The following RAPGEF5 variants were observed in gnomAD, a reference collection of about 807,000 sequenced individuals.
The protein encoded by RAPGEF5 is Rap guanine nucleotide exchange factor 5, also known as M-Ras-regulated GEF.
A neutral mutation model predicts 125.2 loss-of-function variants in RAPGEF5; 65 were observed. The observed-to-expected ratio is 0.52, with a 90% CI of 0.43 to 0.64. The LOEUF is 0.64. Ranked by LOEUF, RAPGEF5 falls within the 30% of genes least tolerant of loss-of-function variation. The probability of loss-of-function intolerance (pLI) is 0.00; values close to 1 mark genes in which losing one functional copy is unlikely to be tolerated. For missense variants in RAPGEF5, 958 were observed against 1,048.1 expected, an observed-to-expected ratio of 0.91 and a Z score of 1.19; for synonymous variants, 391 against 385.9, an observed-to-expected ratio of 1.01 and a Z score of -0.16.
chr7:22,189,481 C>T (rs1053222079), intron 11 of RAPGEF5, among the ~76,000 whole-genome samples: 1 of 152,186 alleles, frequency 6.6e-6, no homozygotes, highest in African/African-American at 2.4e-5. Flanking sequence ...AACCTGCTCC[C>T]CCATCCCTTC....
intron 3 of RAPGEF5, among the ~76,000 whole-genome samples, chr7:22,310,703 T>C (rs374829773): frequency 9.8e-5 from 15 of 152,298 alleles, no homozygotes; most frequent in African/African-American, 3.6e-4. Context: ...ACCCTAAAAT[T>C]TACTCCAAGA....
intron 7 of RAPGEF5, among the ~76,000 whole-genome samples, chr7:22,246,363 C>G (rs1786476969): frequency 6.6e-6 from 1 of 152,132 alleles, no homozygotes; most frequent in African/African-American, 2.4e-5. Context: ...CAGCATGGTA[C>G]TGTTACAAAA....
intron 9 of RAPGEF5, among the ~76,000 whole-genome samples, chr7:22,218,642 G>T (rs544616671): frequency 5.9e-5 from 9 of 152,244 alleles, no homozygotes; most frequent in African/African-American, 2.2e-4. Flanking sequence ...TGCACACTAG[G>T]ATACTCAAAT....
intron 21 of RAPGEF5, among the ~76,000 whole-genome samples, chr7:22,137,572 T>C (rs1562709436): frequency 6.6e-6 from 1 of 152,230 alleles, no homozygotes; most frequent in Non-Finnish European, 1.5e-5. Context: ...GCCTGGAATG[T>C]TCCAGCCTGC....
intron 7 of RAPGEF5, among the ~76,000 whole-genome samples, chr7:22,242,351 C>T (rs911073746): frequency 3.3e-5 from 5 of 152,146 alleles, no homozygotes; most frequent in African/African-American, 1.2e-4. Flanking sequence ...TTCCACATGC[C>T]CTGGGGATAG....
intron 7 of RAPGEF5, among the ~76,000 whole-genome samples, chr7:22,231,583 C>G (rs931177565): frequency 4.6e-5 from 7 of 152,170 alleles, no homozygotes; most frequent in Admixed American, 6.5e-5. Flanking sequence ...TATTGCTTAT[C>G]TCATGGCATC....
chr7:22,198,529 T>C (rs1785204403), intron 9 of RAPGEF5, among the ~76,000 whole-genome samples: 1 of 152,238 alleles, frequency 6.6e-6, no homozygotes, highest in Non-Finnish European at 1.5e-5. Context: ...AAGTATTTTG[T>C]GAAGTGTAAA....
rs533685630 is a variant in RAPGEF5 at position 22,278,039 on chromosome 7, T to C, written c.748-11027A>G. On this transcript the variant is annotated intron_variant, in intron 6 of 25. Transcript: ENST00000665637. ...ATCCCTCAACACCTTGTTAGGGCCT[T>C]AAAGTCACTTGCTAATACAGCCTAG... Among the ~76,000 whole-genome samples, 3 of 152,286 alleles carry C rather than the reference T, an allele frequency of 2.0e-5. No individual in the cohort carries two copies. The East Asian group carries it at 5.8e-4, about 29-fold the overall frequency.
At chr7:22,260,786 A>G (rs1782137102) in intron 7 of RAPGEF5, among the ~76,000 whole-genome samples, 2 of 152,186 alleles carry the variant, frequency 1.3e-5, no homozygotes, top group African/African-American at 2.4e-5. Context: ...GAACAAGAAA[A>G]GTAAGAAGAG....
intron 6 of RAPGEF5, among the ~76,000 whole-genome samples, chr7:22,285,484 T>A (rs1166450756): frequency 6.6e-6 from 1 of 152,160 alleles, no homozygotes; most frequent in African/African-American, 2.4e-5. Flanking sequence ...AATTTAAAAG[T>A]TTCCAATCAA....
chr7:22,267,722 G>C (rs1371678132), intron 6 of RAPGEF5, among the ~76,000 whole-genome samples: 1 of 152,048 alleles, frequency 6.6e-6, no homozygotes, highest in African/African-American at 2.4e-5. Flanking sequence ...ACGAAACAGT[G>C]ACAAAAATAA....
chr7:22,211,694 T>A (rs992957835), intron 9 of RAPGEF5, among the ~76,000 whole-genome samples: 39 of 152,116 alleles, frequency 2.6e-4, no homozygotes, highest in Non-Finnish European at 5.6e-4. Context: ...TCAAATCTGT[T>A]CCCACATTGC....
At chr7:22,280,598 T>G (rs1019767148) in intron 6 of RAPGEF5, among the ~76,000 whole-genome samples, 1 of 152,218 alleles carries the variant, frequency 6.6e-6, no homozygotes, top group South Asian at 2.1e-4. Context: ...TCAGAACTTA[T>G]TCGAGGAAAC....
chr7:22,338,252 C>T (rs1784061409), intron 1 of RAPGEF5, among the ~76,000 whole-genome samples: 5 of 152,194 alleles, frequency 3.3e-5, no homozygotes, highest in Admixed American at 2.0e-4. Flanking sequence ...ATAAGTCAGA[C>T]ACCAACCTTA....
At chr7:22,277,888 G>C (rs767687380) in intron 6 of RAPGEF5, among the ~76,000 whole-genome samples, 1 of 152,172 alleles carries the variant, frequency 6.6e-6, no homozygotes, top group African/African-American at 2.4e-5. Context: ...ATCTAGGTCT[G>C]TAGCCTTAAT....
At chr7:22,336,623 G>T (rs1784031970) in intron 1 of RAPGEF5, among the ~76,000 whole-genome samples, 1 of 152,172 alleles carries the variant, frequency 6.6e-6, no homozygotes, top group African/African-American at 2.4e-5. Flanking sequence ...ACCAGCCTGT[G>T]CACTGAGAGG....
At chr7:22,210,150 C>A (rs1785477300) in intron 9 of RAPGEF5, among the ~76,000 whole-genome samples, 1 of 152,148 alleles carries the variant, frequency 6.6e-6, no homozygotes, top group South Asian at 2.1e-4. Flanking sequence ...GAGGAAAACT[C>A]CAGACTACTC....
chr7:22,339,116 C>T (rs536337466), intron 1 of RAPGEF5, among the ~76,000 whole-genome samples: 14 of 152,124 alleles, frequency 9.2e-5, no homozygotes, highest in Non-Finnish European at 1.3e-4. Context: ...AAGAGAAGAA[C>T]GCCTCAAGTG....
intron 8 of RAPGEF5, among the ~76,000 whole-genome samples, chr7:22,226,162 G>A (rs1003951012): frequency 6.6e-6 from 1 of 152,140 alleles, no homozygotes; most frequent in Non-Finnish European, 1.5e-5. Context: ...CAAGGTCAGG[G>A]AAACCAGAAA....
Sources: gnomAD v4.1 joint callset for allele counts (sites outside exome capture counted in the v4.1 genomes callset) on GRCh38, gnomAD v4.1.1 for gene constraint, MANE v1.5 for transcripts, NCBI Gene and HGNC (gene_info 2026-07-23, HGNC 2026-07-21) for gene names.